ZNF503: variants seen among roughly 807,000 people sequenced by gnomAD.
The protein encoded by ZNF503 is zinc finger protein 503.
ZNF503 carries 15 observed loss-of-function variants against 34.4 expected under a neutral mutation model. The observed-to-expected ratio is 0.44, with a 90% confidence interval of 0.29 to 0.67. The LOEUF (loss-of-function observed/expected upper bound fraction) is 0.67, where lower values mean the gene tolerates loss of function less well. Among genes scored for constraint, ZNF503 ranks in the 30% least tolerant of loss-of-function variants. ZNF503 has a pLI of 0.13. For synonymous variants in ZNF503, 580 were observed against 456.8 expected, an observed-to-expected ratio of 1.27 and a Z score of -3.44; for missense variants, 1,007 against 926.8, an observed-to-expected ratio of 1.09 and a Z score of -1.12.
chr10:75,400,919 C>T (rs1367267044), intron 1 of ZNF503, 186 bp downstream of exon 1: 8 of 845,594 alleles, frequency 9.5e-6, no homozygotes, highest in African/African-American at 1.7e-5. Flanking sequence ...CTAGCATGCA[C>T]GCCCCATTCC....
At chr10:75,313,697 A>G in the ZNF503 span, among the ~76,000 whole-genome samples, 1 of 152,138 alleles carries the variant, frequency 6.6e-6, no homozygotes, top group South Asian at 2.1e-4. Flanking sequence ...TCTTCCCCCA[A>G]CCTGGATTCC....
the ZNF503 span, among the ~76,000 whole-genome samples, chr10:75,365,514 A>AT: frequency 1.3e-5 from 2 of 152,216 alleles, no homozygotes; most frequent in Non-Finnish European, 2.9e-5. Flanking sequence ...TGGAAAGTCA[A>AT]TTTTTAAATG....
At position 75,400,361 on chromosome 10, in the gene ZNF503, T is replaced by C. The variant is rs1843778617; in HGVS notation, c.329A>G (p.Lys110Arg). ...TTGCGCCAACAGCGCCAGCGGGCTC[T>C]TCTTGGCATCGAGCTGCGGGGTCAG... Reference protein sequence around the residue: ...PVSPIELDAKKSPLALLAQTC... With the variant: ...PVSPIELDAKRSPLALLAQTC... The change falls in exon 2 of 2, where the codon AAG (lysine) becomes AGG (arginine). Residue 110 changes from lysine to arginine, a missense_variant. Coordinates refer to ENST00000372524, the MANE Select transcript of ZNF503 (RefSeq NM_032772.6). The C allele has an allele frequency of 2.5e-6, 4 of 1,608,398 alleles. No individual in the cohort carries two copies. The highest frequency in any genetic ancestry group is 3.4e-6 in the Non-Finnish European group (4 of 1,176,990).
chr10:75,382,865 A>G, the ZNF503 span: 20 of 261,590 alleles, frequency 7.6e-5, no homozygotes, highest in East Asian at 8.6e-4. Flanking sequence ...AGAACTGCCT[A>G]TGGAGCCTCC....
At chr10:75,357,026 G>T in the ZNF503 span, among the ~76,000 whole-genome samples, 1 of 152,212 alleles carries the variant, frequency 6.6e-6, no homozygotes, top group Middle Eastern at 3.4e-3. Context: ...ATAGATTCCT[G>T]CCCTTCCGTA....
chr10:75,401,026 C>T (rs1409490274), intron 1 of ZNF503, 79 bp downstream of exon 1: 1 of 1,589,722 alleles, frequency 6.3e-7, no homozygotes, highest in Non-Finnish European at 8.5e-7. Flanking sequence ...CCACCTCCGC[C>T]CAGATCCCGA....
the ZNF503 span, among the ~76,000 whole-genome samples, chr10:75,369,991 C>T: frequency 1.3e-5 from 2 of 151,444 alleles, no homozygotes; most frequent in African/African-American, 2.4e-5. Context: ...CGCTTGAACC[C>T]GGGAGGTGGA....
the ZNF503 span, among the ~76,000 whole-genome samples, chr10:75,367,848 G>A: frequency 6.6e-6 from 1 of 152,188 alleles, no homozygotes; most frequent in Non-Finnish European, 1.5e-5. Context: ...TTCGGGGACT[G>A]CCACACCTCC....
At chr10:75,380,436 G>A in the ZNF503 span, among the ~76,000 whole-genome samples, 1 of 152,144 alleles carries the variant, frequency 6.6e-6, no homozygotes, top group East Asian at 1.9e-4. Flanking sequence ...CTGGAGCTCA[G>A]CACGGTACCT....
At chr10:75,343,211 G>T in the ZNF503 span, 1 of 152,240 alleles carries the variant, frequency 6.6e-6, no homozygotes, top group Non-Finnish European at 1.5e-5. Context: ...TGTATCCTTT[G>T]TCTGTATCAC....
chr10:75,359,944 C>T, the ZNF503 span, among the ~76,000 whole-genome samples: 1 of 151,972 alleles, frequency 6.6e-6, no homozygotes, highest in African/African-American at 2.4e-5. Flanking sequence ...CTATTGTCTC[C>T]TGCCCTGCAA....
the ZNF503 span, among the ~76,000 whole-genome samples, chr10:75,282,881 G>A: frequency 6.6e-6 from 1 of 152,190 alleles, no homozygotes; most frequent in Non-Finnish European, 1.5e-5. Context: ...TATAAAGTAG[G>A]TGTTCAATAA....
At chr10:75,298,510 T>C in the ZNF503 span, among the ~76,000 whole-genome samples, 2 of 152,230 alleles carry the variant, frequency 1.3e-5, no homozygotes, top group African/African-American at 4.8e-5. Flanking sequence ...TCATCCATGT[T>C]GTAGTATGTA....
chr10:75,289,534 A>G, the ZNF503 span, among the ~76,000 whole-genome samples: 10 of 152,250 alleles, frequency 6.6e-5, no homozygotes, highest in Non-Finnish European at 1.0e-4. Context: ...CACTTTTTCA[A>G]TTGTTTTTAT....
At chr10:75,330,830 C>A in the ZNF503 span, among the ~76,000 whole-genome samples, 5 of 151,308 alleles carry the variant, frequency 3.3e-5, no homozygotes, top group Non-Finnish European at 7.4e-5. Flanking sequence ...TATTTTTTGG[C>A]CTTAATTTCA....
Position 75,398,786 on chromosome 10 carries a change from T to C in ZNF503, c.1904A>G (p.Gln635Arg), listed in dbSNP as rs1205113303. The change falls in exon 2 of 2, where the codon CAG (glutamine) becomes CGG (arginine). Residue 635 changes from glutamine to arginine, a missense_variant. Physicochemically the swap from Gln to Arg is conservative, Grantham distance 43. Coordinates refer to ENST00000372524, the MANE Select transcript of ZNF503 (RefSeq NM_032772.6). ...CAGCGCCGAGGCGGTGGTCAGTCTCTGTCCGTAGAGGGCGTAGGGGGAGTA... is the reference window on the plus strand; with the variant it reads ...CAGCGCCGAGGCGGTGGTCAGTCTCCGTCCGTAGAGGGCGTAGGGGGAGTA... ...PYYSPYALYG[Q>R]RLTTASALGY... is the part of the protein sequence containing the mutation. 1 of 1,456,964 alleles carries C rather than the reference T, an allele frequency of 6.9e-7. No individual in the cohort carries two copies. Among genetic ancestry groups the C allele is most frequent in the East Asian group, 2.5e-5 (1 of 40,352 alleles). 90.3% of individuals were successfully genotyped at this position (1,456,964 alleles called of 1,614,324 possible).
At chr10:75,394,320 C>T (rs12242304), downstream of ZNF503, among the ~76,000 whole-genome samples, 16,517 of 152,230 alleles carry the variant, frequency 0.11, 2,828 homozygotes, top group African/African-American at 0.37. Flanking sequence ...TGGGATGATA[C>T]AGGATCCCAT....
chr10:75,362,947 C>T, the ZNF503 span, among the ~76,000 whole-genome samples: 12 of 152,164 alleles, frequency 7.9e-5, no homozygotes, highest in South Asian at 1.4e-3. Context: ...TACCCCCACC[C>T]CAGCCTTGGC....
the ZNF503 span, among the ~76,000 whole-genome samples, chr10:75,280,583 T>C: frequency 2.0e-5 from 3 of 150,582 alleles, no homozygotes; most frequent in Admixed American, 6.6e-5. Flanking sequence ...TGTGTGTGTG[T>C]GCATTTATGG....
Sources: allele counts gnomAD v4.1 joint callset (sites outside exome capture counted in the v4.1 genomes callset), GRCh38; gene constraint gnomAD v4.1.1; transcripts MANE v1.5; gene names NCBI Gene and HGNC (gene_info 2026-07-23, HGNC 2026-07-21).